Variants in TAF1C observed in about 807,000 individuals in gnomAD.
The protein encoded by TAF1C is TATA box-binding protein-associated factor RNA polymerase I subunit C.
TAF1C carries 79 observed loss-of-function variants against 70.5 expected under a neutral mutation model. The observed-to-expected ratio is 1.12, with a 90% CI of 0.93 to 1.35. The LOEUF (loss-of-function observed/expected upper bound fraction) is 1.35. Among genes scored for constraint, TAF1C ranks in the 40% most tolerant of loss-of-function variants. TAF1C has a pLI of 0.00. For synonymous variants in TAF1C, 614 were observed against 491.1 expected, an observed-to-expected ratio of 1.25 and a Z score of -3.31; for missense variants, 1,412 against 1,127.8, an observed-to-expected ratio of 1.25 and a Z score of -3.61.
rs1169255522 is a variant in TAF1C, at chr16:84,182,967, G to A, written c.482+109C>T. ...GAAAGTACAGCTCAGACTGCATGGAGCAGGGGGGAAGTGGGTATGACGGAA... is the reference window on the plus strand; with the variant it reads ...GAAAGTACAGCTCAGACTGCATGGAACAGGGGGGAAGTGGGTATGACGGAA... On this transcript the variant is annotated intron_variant, in intron 6 of 14. Coordinates refer to ENST00000566732, the MANE Select transcript of TAF1C (RefSeq NM_001243156.2). The surrounding 1 kb of genome is among the most constrained non-coding windows in gnomAD (Gnocchi z 5.0). 2 of 1,081,242 alleles carry A rather than the reference G, an allele frequency of 1.8e-6. No individual in the cohort carries two copies. Among genetic ancestry groups the A allele is most frequent in the Non-Finnish European group, 1.4e-6 (1 of 708,278 alleles). 67.0% of individuals were successfully genotyped at this position (1,081,242 alleles called of 1,614,324 possible).
At chr16:84,183,025 C>T in intron 6 of TAF1C, 51 bp downstream of exon 6, 1 of 1,595,044 alleles carries the variant, frequency 6.3e-7, no homozygotes, top group Non-Finnish European at 8.6e-7. Flanking sequence ...CTCCTACATC[C>T]CCACCACCAG....
rs781451076 is a variant in TAF1C at position 84,182,231 on chromosome 16, T to G, written c.692A>C (p.Tyr231Ser). The G allele has an allele frequency of 1.9e-6, 3 of 1,612,674 alleles. No individual in the cohort carries two copies. The South Asian group carries it at 3.3e-5, about 18-fold the overall frequency. ...GRTPQFGQLV[Y>S]PAGGAQDRLH... The stretch of plus-strand genomic sequence containing the variant: ...CCTGTCCTGGGCGCCTCCAGCAGGG[T>G]AGACCAGCTGCCCGAACTGGGGTGT... Residue 231 changes from tyrosine (Y) to serine (S), a missense_variant, in exon 7 of 15, where the codon TAC becomes TCC. Transcript: ENST00000566732. This position sits in a 1 kb window ranked among gnomAD's most constrained non-coding sequence, Gnocchi z 5.0.
Position 84,182,402 on chromosome 16 carries a change from A to G in TAF1C, c.521T>C (p.Phe174Ser), listed in dbSNP as rs2089254369. 6.2e-7 allele frequency: 1 copy of G among 1,605,748 alleles called. No homozygotes were observed. Among genetic ancestry groups the G allele is most frequent in the African/African-American group, 1.3e-5 (1 of 74,754 alleles). The change falls in exon 7 of 15, where the codon TTC becomes TCC. Residue 174 changes from phenylalanine to serine, a missense_variant. Phe to Ser is a radical substitution (Grantham distance 155, BLOSUM62 -2). Coordinates refer to ENST00000566732, the MANE Select transcript of TAF1C (RefSeq NM_001243156.2). This position sits in a 1 kb window ranked among gnomAD's most constrained non-coding sequence, Gnocchi z 5.0. ...WAYLSNRQRR[F>S]SILGGPILGT... Reference sequence around the variant, plus strand: ...CAGGATGGGGCCCCCGAGGATAGAGAAGCGGCGCTGTCGGTTGCTGAGGTA... The same window carrying G: ...CAGGATGGGGCCCCCGAGGATAGAGGAGCGGCGCTGTCGGTTGCTGAGGTA...
rs567236392 is a variant in TAF1C, at chr16:84,183,453, C to T, written c.275G>A (p.Arg92Gln). Residue 92 changes from arginine to glutamine, a missense_variant, in exon 4 of 15, where the codon CGG (arginine) becomes CAG (glutamine). Physicochemically the swap from Arg to Gln is conservative, Grantham distance 43. Coordinates refer to ENST00000566732, the MANE Select transcript of TAF1C (RefSeq NM_001243156.2). Reference sequence around the variant, plus strand: ...CACGACTCGGGGCCGCTTCCGATACCGGCACCCTCCGCGGAAAAGCAGGTC... The same window carrying T: ...CACGACTCGGGGCCGCTTCCGATACTGGCACCCTCCGCGGAAAAGCAGGTC... ...ARDLLFRGGC[R>Q]YRKRPRVVLD... The T allele has an allele frequency of 2.7e-5, 43 of 1,612,318 alleles. No homozygotes were observed. The East Asian group carries it at 2.9e-4, about 11-fold the overall frequency.
In TAF1C at chr16:84,181,820, C is replaced by G; in HGVS notation, c.882G>C (p.Lys294Asn). 6.2e-7 allele frequency: 1 copy of G among 1,614,202 alleles called. No homozygotes were observed. Among genetic ancestry groups the G allele is most frequent in the Non-Finnish European group, 8.5e-7 (1 of 1,180,040 alleles). ...VRSDYHCAVW[K>N]FGKQWQPTLL... ...GGGTTGGCTGCCACTGTTTACCAAA[C>G]TTCCACACGGCACAGTGGTAGTCAG... Residue 294 changes from lysine to asparagine, a missense_variant, in exon 9 of 15, where the codon AAG becomes AAC. Coordinates refer to ENST00000566732, the MANE Select transcript of TAF1C (RefSeq NM_001243156.2).
rs2089310875 is a variant in TAF1C, at chr16:84,183,391, C to A, written c.318+19G>T. The A allele has an allele frequency of 6.2e-7, 1 of 1,613,070 alleles. No homozygotes were observed. Among genetic ancestry groups the A allele is most frequent in the Non-Finnish European group, 8.5e-7 (1 of 1,179,580 alleles). On this transcript the variant is annotated intron_variant, in intron 4 of 14. Coordinates refer to ENST00000566732, the MANE Select transcript of TAF1C (RefSeq NM_001243156.2). Reference sequence around the variant, plus strand: ...CAGTCTCCAGGCTACGCAGCACTGTCCCCCGTGGGCCCACTCACCTGCTCA... The same window carrying A: ...CAGTCTCCAGGCTACGCAGCACTGTACCCCGTGGGCCCACTCACCTGCTCA...
chr16:84,178,799 C>T lies in TAF1C; in HGVS notation c.*142G>A. The T allele has an allele frequency of 1.1e-6, 1 of 882,692 alleles. No homozygotes were observed. Among genetic ancestry groups the T allele is most frequent in the Non-Finnish European group, 1.7e-6 (1 of 590,954 alleles). 54.7% of individuals were successfully genotyped at this position (882,692 alleles called of 1,614,324 possible). A position where few individuals can be genotyped will look rare whatever the true frequency, so the allele number is the denominator to read the frequency against. ...GTTGCCCTGTCCCTTCAACTTGGCT[C>T]CAAATTGCTTGGCTCATCATCACAG... On this transcript the variant is annotated 3_prime_UTR_variant, in exon 15 of 15. Transcript: ENST00000566732.
intron 13 of TAF1C, 25 bp downstream of exon 13, chr16:84,180,145 C>T (rs369831039): frequency 4.6e-5 from 71 of 1,559,136 alleles, no homozygotes; most frequent in South Asian, 7.1e-5. Context: ...TCCCACACGC[C>T]GCCCACCCTG....
In TAF1C at chr16:84,178,587, A is replaced by G. The variant is rs1028094367; in HGVS notation, c.*354T>C. 42 of 427,642 alleles carry G rather than the reference A, an allele frequency of 9.8e-5. No homozygotes were observed. The highest frequency in any genetic ancestry group is 7.4e-4 in the Middle Eastern group (1 of 1,344). 26.5% of individuals were successfully genotyped at this position (427,642 alleles called of 1,614,324 possible). ...AGCCAGCACTCCTGGCCCCCATTCC[A>G]CTGGACAGGAAGGCGTGAGAACTGA... On this transcript the variant is annotated 3_prime_UTR_variant, in exon 15 of 15. Transcript: ENST00000566732.
rs769470891 is a variant in TAF1C at position 84,181,451 on chromosome 16, G to C, written c.1041C>G (p.Ile347Met). 1.2e-6 allele frequency: 2 copies of C among 1,613,802 alleles called. No homozygotes were observed. Among genetic ancestry groups the C allele is most frequent in the Non-Finnish European group, 1.7e-6 (2 of 1,179,986 alleles). Residue 347 changes from isoleucine (I) to methionine (M), a missense_variant, in exon 11 of 15, where the codon ATC becomes ATG. Coordinates refer to ENST00000566732, the MANE Select transcript of TAF1C (RefSeq NM_001243156.2). The part of the protein sequence containing the change: ...LWSPEDGLRQ[I>M]YRDPETLVFR... ...ACACGAGGGTCTCAGGGTCCCTGTA[G>C]ATTTGCCGCAGCCTTGGGGAGACAG...
chr16:84,182,486 G>A lies in TAF1C; in HGVS notation c.483-46C>T. 1 of 1,549,946 alleles carries A rather than the reference G, an allele frequency of 6.5e-7. No individual in the cohort carries two copies. The highest frequency in any genetic ancestry group is 8.7e-7 in the Non-Finnish European group (1 of 1,146,806). On this transcript the variant is annotated intron_variant, in intron 6 of 14. Coordinates refer to ENST00000566732, the MANE Select transcript of TAF1C (RefSeq NM_001243156.2). The surrounding 1 kb of genome is among the most constrained non-coding windows in gnomAD (Gnocchi z 5.0). The stretch of plus-strand genomic sequence containing the variant: ...GGAGGATCACTCGGTGGCACTCAGG[G>A]GAGGACAGGTCCCATCCCAAGGAGG...
chr16:84,186,563 T>C (rs1044883884), intron 1 of TAF1C, among the ~76,000 whole-genome samples: 1 of 152,092 alleles, frequency 6.6e-6, no homozygotes, highest in African/African-American at 2.4e-5. Flanking sequence ...AAAAATAAAA[T>C]AGAAACAAAA....
chr16:84,181,415 G>A lies in TAF1C; in HGVS notation c.1077C>T (p.Ser359=), dbSNP rs761487145. The change falls in exon 11 of 15, where the codon TCC becomes TCT. Residue 359 remains serine, a synonymous_variant. Transcript: ENST00000566732. ...RDPETLVFRD[S]SSWRWADFTA... ...TGAAGTCTGCCCAACGCCACGAAGA[G>A]GAGTCCCGGAACACGAGGGTCTCAG... is the stretch of plus-strand genomic sequence containing the variant. The A allele has an allele frequency of 1.9e-6, 3 of 1,613,802 alleles. No individual in the cohort carries two copies. Among genetic ancestry groups the A allele is most frequent in the Admixed American group, 3.3e-5 (2 of 59,996 alleles).
In TAF1C at chr16:84,185,057, G is replaced by A. The variant is rs763156886; in HGVS notation, c.-69C>T. On this transcript the variant is annotated 5_prime_UTR_variant, in exon 2 of 15. Transcript: ENST00000566732. ...CTGGAAGCTGGTAAGGGGCGCCAGA[G>A]TTCCTGAGGAGTGAAAAGTGCACTA... The A allele has an allele frequency of 4.5e-6, 7 of 1,553,458 alleles. No individual in the cohort carries two copies. The highest frequency in any genetic ancestry group is 6.1e-6 in the Non-Finnish European group (7 of 1,149,176).
At position 84,183,504 on chromosome 16, in the gene TAF1C, G is replaced by T; in HGVS notation, c.224C>A (p.Pro75His). Residue 75 changes from proline (P) to histidine (H), a missense_variant, in exon 4 of 15, where the codon CCC becomes CAC. Coordinates refer to ENST00000566732, the MANE Select transcript of TAF1C (RefSeq NM_001243156.2). ...CCGGGCAGTCAGGCCAGGGTCCCAG[G>T]GATCTGAGAAGGAGGTTACGGAAAG... ...PLPMLPPLID[P>H]WDPGLTARDL... 1 of 1,609,374 alleles carries T rather than the reference G, an allele frequency of 6.2e-7. No homozygotes were observed. Among genetic ancestry groups the T allele is most frequent in the Non-Finnish European group, 8.5e-7 (1 of 1,177,856 alleles).
At chr16:84,183,811 T>C (rs937969320) in intron 2 of TAF1C, 33 bp from the exon 3 acceptor site, 9 of 1,549,008 alleles carry the variant, frequency 5.8e-6, no homozygotes, top group South Asian at 1.1e-5. Context: ...GACAGTATCA[T>C]GATGAATGCC....
chr16:84,178,652 G>A lies in TAF1C; in HGVS notation c.*289C>T. 1 of 491,198 alleles carries A rather than the reference G, an allele frequency of 2.0e-6. No individual in the cohort carries two copies. The highest frequency in any genetic ancestry group is 3.7e-6 in the Non-Finnish European group (1 of 268,542). 30.4% of individuals were successfully genotyped at this position (491,198 alleles called of 1,614,324 possible). ...GCCCCCACAGCTGAGGCGCAGCGGA[G>A]CCCTGCCTCCCAGCACAGACTAAAA... On this transcript the variant is annotated 3_prime_UTR_variant, in exon 15 of 15. Coordinates refer to ENST00000566732, the MANE Select transcript of TAF1C (RefSeq NM_001243156.2).
At chr16:84,184,767 T>C in intron 2 of TAF1C, 84 bp downstream of exon 2, 1 of 1,484,256 alleles carries the variant, frequency 6.7e-7, no homozygotes, top group Non-Finnish European at 9.0e-7. Flanking sequence ...CTCTGTGGCC[T>C]TGTCAACTGA....
chr16:84,183,225 G>A lies in TAF1C; in HGVS notation c.408+19C>T, dbSNP rs1251258593. On this transcript the variant is annotated intron_variant, in intron 5 of 14. Coordinates refer to ENST00000566732, the MANE Select transcript of TAF1C (RefSeq NM_001243156.2). ...AGGACAGCAGGGAGTCCCCACCCCT[G>A]GAGTCACGGGCCACTCACCCCCGCT... 2.5e-6 allele frequency: 4 copies of A among 1,613,930 alleles called. No homozygotes were observed. Among genetic ancestry groups the A allele is most frequent in the South Asian group, 2.2e-5 (2 of 91,084 alleles).
Sources: allele counts gnomAD v4.1 joint callset (sites outside exome capture counted in the v4.1 genomes callset), GRCh38; gene constraint gnomAD v4.1.1; non-coding constraint Gnocchi (gnomAD v3.1); transcripts MANE v1.5; gene names NCBI Gene and HGNC (gene_info 2026-07-23, HGNC 2026-07-21).